Variants in SLC25A13 observed in about 807,000 individuals in gnomAD.
The protein encoded by SLC25A13 is electrogenic aspartate/glutamate antiporter SLC25A13, mitochondrial.
A neutral mutation model predicts 85.5 loss-of-function variants in SLC25A13; 70 were observed. That is an observed-to-expected ratio of 0.82 (90% CI 0.68 to 1.00). The LOEUF (loss-of-function observed/expected upper bound fraction) is 1.00. Ranked by LOEUF, SLC25A13 falls within the 50% of genes least tolerant of loss-of-function variation. The pLI, the probability that SLC25A13 is intolerant of heterozygous loss-of-function variation, is 0.00. For synonymous variants in SLC25A13, 259 were observed against 288.7 expected (o/e 0.90, Z 1.04); for missense variants, 765 against 819.8 (o/e 0.93, Z 0.82).
intron 3 of SLC25A13, among the ~76,000 whole-genome samples, chr7:96,272,866 A>T (rs1249391463): frequency 6.6e-6 from 1 of 152,240 alleles, no homozygotes; most frequent in African/African-American, 2.4e-5. Flanking sequence ...CCACCTTTTA[A>T]ACATCAATAG....
chr7:96,191,028 A>G (rs1394618531), intron 7 of SLC25A13, 81 bp downstream of exon 7: 5 of 1,502,192 alleles, frequency 3.3e-6, no homozygotes, highest in Non-Finnish European at 4.6e-6. Flanking sequence ...GAAAAATAAT[A>G]AAGTACTAGT....
At chr7:96,238,302 A>AACAGATTCTC (rs1796819473) in intron 3 of SLC25A13, among the ~76,000 whole-genome samples, 1 of 152,122 alleles carries the variant, frequency 6.6e-6, no homozygotes, top group Non-Finnish European at 1.5e-5. Context: ...AGAAGCACGG[A>AACAGATTCTC]ACAGATTCTC....
At chr7:96,185,143 AGG>A in intron 9 of SLC25A13, 132 bp from the exon 10 acceptor site, 2 of 598,346 alleles carry the variant, frequency 3.3e-6, no homozygotes, top group Non-Finnish European at 2.8e-6. Flanking sequence ...TAAAATGTCA[AGG>A]AAAAAAGTAG....
At chr7:96,270,862 C>A (rs1031044881) in intron 3 of SLC25A13, among the ~76,000 whole-genome samples, 9 of 152,140 alleles carry the variant, frequency 5.9e-5, no homozygotes, top group African/African-American at 2.2e-4. Context: ...TCCCCTCTTG[C>A]CTCTTCCAGC....
intron 13 of SLC25A13, among the ~76,000 whole-genome samples, chr7:96,163,239 C>G (rs543321242): frequency 6.6e-6 from 1 of 152,304 alleles, no homozygotes; most frequent in South Asian, 2.1e-4. Flanking sequence ...CTGCCCAGGA[C>G]TCTTAAGATG....
At chr7:96,148,663 C>T (rs1276636602) in intron 13 of SLC25A13, among the ~76,000 whole-genome samples, 1 of 152,140 alleles carries the variant, frequency 6.6e-6, no homozygotes, top group East Asian at 1.9e-4. Context: ...TTGGAATTAG[C>T]CTGAAGCCTG....
At chr7:96,232,303 G>A (rs1469700625) in intron 4 of SLC25A13, among the ~76,000 whole-genome samples, 1 of 151,812 alleles carries the variant, frequency 6.6e-6, no homozygotes, top group Non-Finnish European at 1.5e-5. Context: ...GGATGGAGCT[G>A]GAGGCCATTA....
intron 15 of SLC25A13, among the ~76,000 whole-genome samples, chr7:96,128,481 T>C (rs1791825476): frequency 6.6e-6 from 1 of 152,134 alleles, no homozygotes; most frequent in East Asian, 1.9e-4. Flanking sequence ...TTTTGTAGAA[T>C]ACACAAAGAC....
At chr7:96,183,937 G>C (rs925076459) in intron 11 of SLC25A13, among the ~76,000 whole-genome samples, 1 of 152,188 alleles carries the variant, frequency 6.6e-6, no homozygotes, top group Non-Finnish European at 1.5e-5. Context: ...CTTTGTCCTG[G>C]TGGCAGAATA....
chr7:96,184,759 T>G (rs984131037), intron 10 of SLC25A13, among the ~76,000 whole-genome samples, 168 bp downstream of exon 10: 2 of 152,246 alleles, frequency 1.3e-5, no homozygotes, highest in Non-Finnish European at 2.9e-5. Flanking sequence ...CATGCAGGTA[T>G]GGGAAAAGAG....
chr7:96,200,849 G>A (rs539685585), intron 5 of SLC25A13, among the ~76,000 whole-genome samples: 1 of 152,198 alleles, frequency 6.6e-6, no homozygotes, highest in Non-Finnish European at 1.5e-5. Context: ...AAAACAGCAA[G>A]CTAACACCAC....
intron 3 of SLC25A13, among the ~76,000 whole-genome samples, chr7:96,257,831 A>G (rs1399348483): frequency 6.6e-6 from 1 of 152,248 alleles, no homozygotes; most frequent in Non-Finnish European, 1.5e-5. Flanking sequence ...ATACTGGCAA[A>G]CCAAATCCAG....
chr7:96,259,245 C>T (rs913840701), intron 3 of SLC25A13, among the ~76,000 whole-genome samples: 3 of 152,002 alleles, frequency 2.0e-5, no homozygotes, highest in East Asian at 3.8e-4. Context: ...TTCTGCACAG[C>T]GAAAGAAACT....
At chr7:96,265,904 C>T (rs1798029802) in intron 3 of SLC25A13, among the ~76,000 whole-genome samples, 1 of 152,134 alleles carries the variant, frequency 6.6e-6, no homozygotes, top group African/African-American at 2.4e-5. Flanking sequence ...CTTGCTCCAT[C>T]CTCACATGGC....
At chr7:96,296,748 T>A in intron 2 of SLC25A13, 150 bp downstream of exon 2, 1 of 708,728 alleles carries the variant, frequency 1.4e-6, no homozygotes, top group South Asian at 1.7e-5. Flanking sequence ...CCCAAAGTGC[T>A]GGGATTACAG....
At chr7:96,234,344 T>C (rs1342423958) in intron 4 of SLC25A13, among the ~76,000 whole-genome samples, 1 of 152,182 alleles carries the variant, frequency 6.6e-6, no homozygotes, top group African/African-American at 2.4e-5. Context: ...TCATGTACCA[T>C]TCTGAACCAC....
intron 3 of SLC25A13, among the ~76,000 whole-genome samples, chr7:96,237,215 C>G (rs1010630051): frequency 6.6e-6 from 1 of 152,214 alleles, no homozygotes; most frequent in African/African-American, 2.4e-5. Flanking sequence ...TGGCAATAAA[C>G]TTTCTTGCTG....
intron 15 of SLC25A13, among the ~76,000 whole-genome samples, chr7:96,128,939 G>GATCTCTCTCTCT (rs1791868805): frequency 1.2e-5 from 1 of 81,850 alleles, no homozygotes; most frequent in Non-Finnish European, 2.5e-5. Context: ...TGCCTTGCTT[G>GATCTCTCTCTCT]CTCTCTCTCT....
chr7:96,198,299 A>C (rs1437280760), intron 5 of SLC25A13, among the ~76,000 whole-genome samples: 1 of 152,240 alleles, frequency 6.6e-6, no homozygotes, highest in Admixed American at 6.5e-5. Flanking sequence ...CATTTAAAAA[A>C]CAGTGGCTTT....
Sources: gnomAD v4.1 joint callset for allele counts (sites outside exome capture counted in the v4.1 genomes callset) on GRCh38, gnomAD v4.1.1 for gene constraint, MANE v1.5 for transcripts, NCBI Gene and HGNC (gene_info 2026-07-23, HGNC 2026-07-21) for gene names.